The following RGP1 variants were observed in gnomAD, a reference collection of about 807,000 sequenced individuals.
The protein encoded by RGP1 is RAB6A-GEF complex partner protein 2.
In RGP1, 28 loss-of-function variants were observed where a neutral mutation model predicts 44.5. The observed-to-expected ratio is 0.63, with a 90% CI of 0.47 to 0.86. The LOEUF is 0.86. RGP1 is among the 40% of genes least tolerant of loss of function. RGP1 has a pLI of 0.00. For synonymous variants in RGP1, 212 were observed against 196.7 expected, an observed-to-expected ratio of 1.08 and a Z score of -0.65; for missense variants, 417 against 490.7, an observed-to-expected ratio of 0.85 and a Z score of 1.42.
chr9:35,763,222 T>C (rs1827434682), downstream of RGP1, among the ~76,000 whole-genome samples: 1 of 152,254 alleles, frequency 6.6e-6, no homozygotes, highest in Admixed American at 6.5e-5. Context: ...GTTTTCGTCC[T>C]GAGATTTCCC....
At position 35,750,761 on chromosome 9, in the gene RGP1, C is replaced by T. The variant is rs1329435236; in HGVS notation, c.337+20C>T. On this transcript the variant is annotated intron_variant, in intron 4 of 8. Transcript: ENST00000378078. ...AATCATGTGAGTGATTGTCCCCATC[C>T]CTGAATTGCCTTCTAAGTCTCCTGG... 6.2e-7 allele frequency: 1 copy of T among 1,613,730 alleles called. No homozygotes were observed. The highest frequency in any genetic ancestry group is 1.3e-5 in the African/African-American group (1 of 74,910).
rs771102546 is a variant in RGP1, at chr9:35,752,075, A to G, written c.882A>G (p.Leu294=). The part of the protein sequence containing the change: ...VTHARHQESC[L]HTTRTSFSLP... ...ACGCCCGGCACCAGGAATCCTGCCTACATACAACTAGAACCAGCTTCTCCC... is the reference window on the plus strand; with the variant it reads ...ACGCCCGGCACCAGGAATCCTGCCTGCATACAACTAGAACCAGCTTCTCCC... Residue 294 remains leucine (L), a synonymous_variant, in exon 8 of 9, where the codon CTA becomes CTG. Transcript: ENST00000378078. The G allele has an allele frequency of 7.5e-6, 12 of 1,609,754 alleles. No homozygotes were observed. The highest frequency in any genetic ancestry group is 1.3e-5 in the African/African-American group (1 of 74,942).
the RGP1 span, among the ~76,000 whole-genome samples, chr9:35,765,210 A>C: frequency 6.6e-6 from 1 of 151,932 alleles, no homozygotes; most frequent in Non-Finnish European, 1.5e-5. Flanking sequence ...CATTCATCTG[A>C]TGATGGATAT....
At chr9:35,750,451 T>A in intron 3 of RGP1, 72 bp downstream of exon 3, 4 of 1,543,136 alleles carry the variant, frequency 2.6e-6, no homozygotes, top group Non-Finnish European at 3.6e-6. Flanking sequence ...CACCCATGGG[T>A]GAAGTTGTTA....
rs1827383494 is a variant in RGP1 at position 35,758,009 on chromosome 9, GC to G, written c.*5137del. On this transcript the variant is annotated 3_prime_UTR_variant, in exon 9 of 9. Transcript: ENST00000378078. ...TCTCAGATTGGTAATATGGTATTCA[GC>G]CTTTTTCTTGTTTGGCTTTTGTGCC... 6.6e-6 allele frequency: 1 copy of G among 152,310 alleles called. No homozygotes were observed. The highest frequency in any genetic ancestry group is 2.4e-5 in the African/African-American group (1 of 41,558). The allele number at this position is 152,310 out of a possible 1,614,324, so 9.4% of individuals were successfully genotyped here.
Position 35,753,736 on chromosome 9 carries a change from G to C in RGP1, c.*862G>C, listed in dbSNP as rs773985552. The C allele has an allele frequency of 4.3e-6, 7 of 1,614,128 alleles. No homozygotes were observed. The highest frequency in any genetic ancestry group is 5.9e-6 in the Non-Finnish European group (7 of 1,180,004). ...TCCTTGCGGAGCCAAGACTCACCCA[G>C]GGTAAAATATTTCCCCTCATAGTGA... On this transcript the variant is annotated 3_prime_UTR_variant, in exon 9 of 9. Coordinates refer to ENST00000378078, the MANE Select transcript of RGP1 (RefSeq NM_001080496.3). The surrounding 1 kb of genome is among the most constrained non-coding windows in gnomAD (Gnocchi z 4.2).
Position 35,749,674 on chromosome 9 carries a change from T to G in RGP1, c.-19-63T>G. ...CCTGTCCTCAGCCCTCAGCCCTAGG[T>G]GCTCACCGCAACGCCCCTCCCTGTC... is the stretch of plus-strand genomic sequence containing the variant. On this transcript the variant is annotated intron_variant, in intron 1 of 8. Transcript: ENST00000378078. The surrounding 1 kb of genome is among the most constrained non-coding windows in gnomAD (Gnocchi z 4.4). The G allele has an allele frequency of 1.0e-6, 1 of 963,144 alleles. No homozygotes were observed. The highest frequency in any genetic ancestry group is 1.7e-6 in the Non-Finnish European group (1 of 606,060). The allele number at this position is 963,144 out of a possible 1,614,324, so 59.7% of individuals were successfully genotyped here.
At chr9:35,778,818 A>C in the RGP1 span, among the ~76,000 whole-genome samples, 1 of 152,230 alleles carries the variant, frequency 6.6e-6, no homozygotes, top group Non-Finnish European at 1.5e-5. Context: ...AATGTTGTGG[A>C]ATAATATGTA....
At chr9:35,779,830 G>A in the RGP1 span, among the ~76,000 whole-genome samples, 1 of 152,076 alleles carries the variant, frequency 6.6e-6, no homozygotes, top group Non-Finnish European at 1.5e-5. Flanking sequence ...AATCTCTTGG[G>A]CACAAGTGAT....
chr9:35,761,488 T>C (rs1387207167), downstream of RGP1, among the ~76,000 whole-genome samples: 4 of 152,060 alleles, frequency 2.6e-5, no homozygotes, highest in East Asian at 7.7e-4. Context: ...CTGGGTAACA[T>C]GACAAAACCC....
chr9:35,764,390 G>A, the RGP1 span, among the ~76,000 whole-genome samples: 1 of 152,190 alleles, frequency 6.6e-6, no homozygotes, highest in Non-Finnish European at 1.5e-5. Context: ...GGCTAATGGA[G>A]CAAGGATAAC....
Position 35,758,139 on chromosome 9 carries a change from C to T in RGP1, c.*5265C>T, listed in dbSNP as rs1340879058. ...CTTTTCCTCTCCCTCATTTTACTGT[C>T]TTTATTTTTAGCCTTTTTTCTGTGT... On this transcript the variant is annotated 3_prime_UTR_variant, in exon 9 of 9. Coordinates refer to ENST00000378078, the MANE Select transcript of RGP1 (RefSeq NM_001080496.3). The T allele has an allele frequency of 2.6e-5, 4 of 152,146 alleles. No homozygotes were observed. The highest frequency in any genetic ancestry group is 9.7e-5 in the African/African-American group (4 of 41,440). 9.4% of individuals were successfully genotyped at this position (152,146 alleles called of 1,614,324 possible).
chr9:35,788,623 A>C, the RGP1 span, among the ~76,000 whole-genome samples: 8 of 152,092 alleles, frequency 5.3e-5, no homozygotes, highest in Admixed American at 5.2e-4. Context: ...CCTATCCAGA[A>C]GAAATTATAG....
the RGP1 span, among the ~76,000 whole-genome samples, chr9:35,769,663 GGA>G: frequency 6.6e-6 from 1 of 152,184 alleles, no homozygotes; most frequent in Non-Finnish European, 1.5e-5. Context: ...TCAGGCAGAA[GGA>G]ACAACGTGCA....
the RGP1 span, among the ~76,000 whole-genome samples, chr9:35,768,838 G>T: frequency 1.5e-4 from 23 of 152,306 alleles, no homozygotes; most frequent in Middle Eastern, 6.8e-3. Flanking sequence ...AGACTGAGCA[G>T]TTTTTATTCA....
downstream of RGP1, among the ~76,000 whole-genome samples, chr9:35,761,796 GATTAA>G (rs916738300): frequency 2.3e-4 from 35 of 152,328 alleles, no homozygotes; most frequent in African/African-American, 7.9e-4. Flanking sequence ...CATCTGGCTT[GATTAA>G]ATTAAGTTTC....
chr9:35,781,414 T>TG, the RGP1 span, among the ~76,000 whole-genome samples: 20 of 7,186 alleles, frequency 2.8e-3, no homozygotes, highest in African/African-American at 5.5e-3. Flanking sequence ...GGGGAGGGGG[T>TG]GGGGGGGCAG....
rs752453039 is a variant in RGP1, at chr9:35,752,692, C to T, written c.994C>T (p.Arg332Ter). The T allele has an allele frequency of 4.3e-6, 7 of 1,613,142 alleles. No homozygotes were observed. In the East Asian group the frequency reaches 1.3e-4, roughly 31 times the overall value. ...ATTGCATTTTGAATTTGTAACGTCC[C>T]GAGAACCAGGATTGGTACTCCTACC... ...WRLHFEFVTS[R>*]EPGLVLLPPV... is the part of the protein sequence containing the mutation. Residue 332 changes from arginine to a stop codon, truncating the protein, a stop_gained, in exon 9 of 9, where the codon CGA becomes TGA. Coordinates refer to ENST00000378078, the MANE Select transcript of RGP1 (RefSeq NM_001080496.3). LOFTEE classifies it high-confidence loss of function.
Position 35,753,864 on chromosome 9 carries a change from C to A in RGP1, c.*990C>A. ...GTGGAGACAGTAAGTACGCACTATC[C>A]CCGTATTTAGTTTGTCTTTCCTGTT... On this transcript the variant is annotated 3_prime_UTR_variant, in exon 9 of 9. Coordinates refer to ENST00000378078, the MANE Select transcript of RGP1 (RefSeq NM_001080496.3). This position sits in a 1 kb window ranked among gnomAD's most constrained non-coding sequence, Gnocchi z 4.2. The A allele has an allele frequency of 6.6e-7, 1 of 1,512,226 alleles. No homozygotes were observed. The highest frequency in any genetic ancestry group is 1.2e-5 in the South Asian group (1 of 83,060). 93.7% of individuals were successfully genotyped at this position (1,512,226 alleles called of 1,614,324 possible).
Sources: allele counts gnomAD v4.1 joint callset (sites outside exome capture counted in the v4.1 genomes callset), GRCh38; gene constraint gnomAD v4.1.1; non-coding constraint Gnocchi (gnomAD v3.1); transcripts MANE v1.5; gene names NCBI Gene and HGNC (gene_info 2026-07-23, HGNC 2026-07-21).